Variants in CD109 observed in about 807,000 individuals in gnomAD.
CD109 encodes the protein CD109 molecule.
A neutral mutation model predicts 165.8 loss-of-function variants in CD109; 149 were observed. That is an observed-to-expected ratio of 0.90 (90% CI 0.79 to 1.03). The LOEUF is 1.03. Ranked by LOEUF, CD109 falls within the 50% of genes least tolerant of loss-of-function variation. The pLI, the probability that CD109 is intolerant of heterozygous loss-of-function variation, is 0.00. For missense variants in CD109, 1,712 were observed against 1,677.8 expected, an observed-to-expected ratio of 1.02 and a Z score of -0.36; for synonymous variants, 585 against 592.1, an observed-to-expected ratio of 0.99 and a Z score of 0.18.
intron 15 of CD109, among the ~76,000 whole-genome samples, chr6:73,778,912 A>G (rs1374893228): frequency 1.3e-5 from 2 of 152,112 alleles, no homozygotes; most frequent in African/African-American, 4.8e-5. Flanking sequence ...CTTGATTTTT[A>G]TTGAAGTTAA....
At chr6:73,698,008 A>G (rs1020020064) in intron 2 of CD109, among the ~76,000 whole-genome samples, 3 of 152,218 alleles carry the variant, frequency 2.0e-5, no homozygotes, top group Non-Finnish European at 4.4e-5. Flanking sequence ...ACACAAAACC[A>G]TATTTATTGA....
chr6:73,762,742 T>C lies in CD109; in HGVS notation c.857T>C (p.Ile286Thr), dbSNP rs374417084. The C allele has an allele frequency of 3.1e-5, 50 of 1,596,616 alleles. No homozygotes were observed. The highest frequency in any genetic ancestry group is 2.9e-4 in the East Asian group (13 of 44,676). Residue 286 changes from isoleucine (I) to threonine (T), a missense_variant and splice_region_variant, in exon 9 of 33, where the codon ATA becomes ACA. Physicochemically the swap from Ile to Thr is moderately conservative, Grantham distance 89. Transcript: ENST00000287097. ...ATACTGAACTTTTAAACAAAACAGA[T>C]AAATGGATCTGCAAACTTCTCTTTT... ...KKKNITKTFK[I>T]NGSANFSFND...
chr6:73,783,135 G>T (rs1369241403), intron 18 of CD109, among the ~76,000 whole-genome samples: 2 of 152,190 alleles, frequency 1.3e-5, no homozygotes, highest in Non-Finnish European at 2.9e-5. Context: ...ACTGAACCCT[G>T]CTCCTCACAA....
chr6:73,724,162 A>T (rs991974077), intron 3 of CD109, among the ~76,000 whole-genome samples: 3 of 152,090 alleles, frequency 2.0e-5, no homozygotes, highest in Admixed American at 6.6e-5. Context: ...TGATTGCTAA[A>T]TTTTTTGGTA....
chr6:73,709,006 T>G (rs565033156), intron 2 of CD109, among the ~76,000 whole-genome samples: 9 of 152,338 alleles, frequency 5.9e-5, no homozygotes, highest in African/African-American at 1.7e-4. Flanking sequence ...TTAGTTTAAT[T>G]AGATCCCATT....
rs2150260972 is a variant in CD109, at chr6:73,788,586, G to A, written c.2675G>A (p.Ser892Asn). ...FSFPPNTVTG[S>N]ERVQITAIGD... ...TTTCCTCCTAATACAGTGACTGGCA[G>A]TGAAAGAGTTCAGATCACTGCAATT... The change falls in exon 22 of 33, where the codon AGT becomes AAT. Residue 892 changes from serine to asparagine, a missense_variant. Transcript: ENST00000287097. The A allele has an allele frequency of 6.2e-7, 1 of 1,613,260 alleles. No individual in the cohort carries two copies. Among genetic ancestry groups the A allele is most frequent in the Non-Finnish European group, 8.5e-7 (1 of 1,179,702 alleles).
rs757563777 is a variant in CD109, at chr6:73,811,187, A to T, written c.3702+40A>T. On this transcript the variant is annotated intron_variant, in intron 28 of 32. Coordinates refer to ENST00000287097, the MANE Select transcript of CD109 (RefSeq NM_133493.5). ...CAGTTATTTAAAAATCAGTGTAGAC[A>T]ATTCTTTATGCTGGAATACTGCTTT... The T allele has an allele frequency of 1.3e-5, 21 of 1,585,246 alleles. No individual in the cohort carries two copies. In the African/African-American group the frequency reaches 2.6e-4, roughly 20 times the overall value.
At chr6:73,743,159 A>G (rs1772856072) in intron 5 of CD109, among the ~76,000 whole-genome samples, 1 of 152,184 alleles carries the variant, frequency 6.6e-6, no homozygotes, top group Non-Finnish European at 1.5e-5. Context: ...CTAAGTCAGA[A>G]TTTCTGGGAC....
At chr6:73,807,266 T>G (rs1298923744) in intron 25 of CD109, among the ~76,000 whole-genome samples, 194 bp downstream of exon 25, 5 of 152,212 alleles carry the variant, frequency 3.3e-5, no homozygotes, top group Non-Finnish European at 7.3e-5. Flanking sequence ...ACCCACTCTT[T>G]CAGAATAACT....
chr6:73,826,339 A>T lies in CD109; in HGVS notation c.*2706A>T, dbSNP rs190119893. The T allele has an allele frequency of 1.3e-5, 2 of 152,358 alleles. No homozygotes were observed. The highest frequency in any genetic ancestry group is 2.4e-5 in the African/African-American group (1 of 41,592). 9.4% of individuals were successfully genotyped at this position (152,358 alleles called of 1,614,324 possible). A position where few individuals can be genotyped will look rare whatever the true frequency, so the allele number is the denominator to read the frequency against. On this transcript the variant is annotated 3_prime_UTR_variant, in exon 33 of 33. Transcript: ENST00000287097. ...TCCTTATGCTGAAGCTCTTCCATTT[A>T]GAATACTGTCAATGTCATTTACTGG...
At chr6:73,760,516 A>T (rs1310718740) in intron 7 of CD109, among the ~76,000 whole-genome samples, 1 of 151,830 alleles carries the variant, frequency 6.6e-6, no homozygotes, top group Non-Finnish European at 1.5e-5. Context: ...AAATTAATAC[A>T]TAGAAAGAAA....
chr6:73,768,176 G>C lies in CD109; in HGVS notation c.1619G>C (p.Gly540Ala), dbSNP rs765177087. The C allele has an allele frequency of 5.0e-6, 8 of 1,598,566 alleles. No individual in the cohort carries two copies. The highest frequency in any genetic ancestry group is 6.0e-6 in the Non-Finnish European group (7 of 1,166,494). The change falls in exon 14 of 33, where the codon GGG becomes GCG. Residue 540 changes from glycine to alanine, a missense_variant. Transcript: ENST00000287097. ...CVIVYYIEDDGEIISDVLKIP... is the reference protein window; with the variant it reads ...CVIVYYIEDDAEIISDVLKIP... The stretch of plus-strand genomic sequence containing the variant: ...ATTGTGTATTATATTGAAGATGATG[G>C]GGAAATTATAAGTGATGTTCTAAAA...
At chr6:73,803,788 G>A (rs1424973929) in intron 24 of CD109, among the ~76,000 whole-genome samples, 2 of 152,002 alleles carry the variant, frequency 1.3e-5, no homozygotes, top group Admixed American at 1.3e-4. Flanking sequence ...GGCTGATTTT[G>A]GATGATTAAT....
intron 2 of CD109, among the ~76,000 whole-genome samples, chr6:73,699,864 G>T (rs1770997461): frequency 6.6e-6 from 1 of 152,146 alleles, no homozygotes; most frequent in Admixed American, 6.5e-5. Flanking sequence ...GGGAGTTATT[G>T]TTCTCAGAGC....
intron 5 of CD109, among the ~76,000 whole-genome samples, chr6:73,740,414 T>G (rs1772726659): frequency 6.6e-6 from 1 of 152,202 alleles, no homozygotes; most frequent in Non-Finnish European, 1.5e-5. Flanking sequence ...CCACTTGTAT[T>G]AATAACATGT....
chr6:73,782,868 G>A, intron 18 of CD109, 113 bp downstream of exon 18: 1 of 932,282 alleles, frequency 1.1e-6, no homozygotes. Flanking sequence ...TAAGAACTAA[G>A]TAGACCAAAA....
chr6:73,736,523 AT>A lies in CD109; in HGVS notation c.633+21del. 1 of 1,600,166 alleles carries A rather than the reference AT, an allele frequency of 6.2e-7. No individual in the cohort carries two copies. The highest frequency in any genetic ancestry group is 8.5e-7 in the Non-Finnish European group (1 of 1,173,866). On this transcript the variant is annotated intron_variant, in intron 5 of 32. Transcript: ENST00000287097. ...TTCAAGTGAATGTGAGTATAAATAT[AT>A]TTTTTGGGGGGAATGTTAAAGTGAT...
chr6:73,717,097 G>C (rs185166904), intron 2 of CD109, among the ~76,000 whole-genome samples: 1 of 152,204 alleles, frequency 6.6e-6, no homozygotes, highest in East Asian at 1.9e-4. Flanking sequence ...TAGGTGTATG[G>C]ATTTGTTTCT....
chr6:73,721,012 G>A (rs1399432357), intron 2 of CD109, among the ~76,000 whole-genome samples: 1 of 152,146 alleles, frequency 6.6e-6, no homozygotes, highest in Non-Finnish European at 1.5e-5. Flanking sequence ...CTTAGACACT[G>A]GCATCGTTTT....
Sources: allele counts gnomAD v4.1 joint callset (sites outside exome capture counted in the v4.1 genomes callset), GRCh38; gene constraint gnomAD v4.1.1; transcripts MANE v1.5; gene names NCBI Gene and HGNC (gene_info 2026-07-23, HGNC 2026-07-21).